RHEX: variants seen among roughly 807,000 people sequenced by gnomAD.
The protein encoded by RHEX is regulator of hemoglobinization and erythroid cell expansion protein.
RHEX carries 18 observed loss-of-function variants against 20.1 expected under a neutral mutation model. The observed-to-expected ratio is 0.90, with a 90% confidence interval of 0.62 to 1.33. The LOEUF (loss-of-function observed/expected upper bound fraction) is 1.33. Ranked by LOEUF, RHEX falls within the 40% of genes most tolerant of loss-of-function variation. The pLI, the probability that RHEX is intolerant of heterozygous loss-of-function variation, is 0.00. For synonymous variants in RHEX, 87 were observed against 77.1 expected, an observed-to-expected ratio of 1.13 and a Z score of -0.67; for missense variants, 192 against 214.3, an observed-to-expected ratio of 0.90 and a Z score of 0.65.
chr1:206,057,545 C>T (rs575878385), intron 1 of RHEX, among the ~76,000 whole-genome samples: 1 of 152,374 alleles, frequency 6.6e-6, no homozygotes, highest in South Asian at 2.1e-4. Context: ...ACTGTTTGGG[C>T]CCACCCAGAA....
rs142150599 is a variant in RHEX at position 206,099,211 on chromosome 1, C to T, written c.113-444C>T. 1.7e-3 allele frequency among the ~76,000 whole-genome samples: 259 copies of T among 152,230 alleles called. 1 individual carries two copies. Among genetic ancestry groups the T allele is most frequent in the African/African-American group, 5.7e-3 (238 of 41,544 alleles). ...CGTGGAACCATGGCAGGGTTTTGAGCACAGCAGTGCTGAGGTTTGAAGGGA... is the reference window on the plus strand; with the variant it reads ...CGTGGAACCATGGCAGGGTTTTGAGTACAGCAGTGCTGAGGTTTGAAGGGA... On this transcript the variant is annotated intron_variant, in intron 3 of 5. Coordinates refer to ENST00000331555, the MANE Select transcript of RHEX (RefSeq NM_001007544.4).
intron 1 of RHEX, among the ~76,000 whole-genome samples, chr1:206,084,839 C>T (rs1168536314): frequency 6.6e-6 from 1 of 152,194 alleles, no homozygotes; most frequent in Non-Finnish European, 1.5e-5. Context: ...GCACAGGGCC[C>T]TACTAGTCTG....
At chr1:206,084,703 T>C (rs1336066310) in intron 1 of RHEX, among the ~76,000 whole-genome samples, 1 of 152,162 alleles carries the variant, frequency 6.6e-6, no homozygotes, top group Admixed American at 6.5e-5. Context: ...ATGCCTTGAG[T>C]AGGATCTGTT....
intron 1 of RHEX, among the ~76,000 whole-genome samples, chr1:206,068,037 GTGCTTCTGCGTCTTTTCTA>G (rs1255106369): frequency 6.6e-6 from 1 of 152,206 alleles, no homozygotes; most frequent in Non-Finnish European, 1.5e-5. Flanking sequence ...TAACATTTCT[GTGCTTCTGCGTCTTTTCTA>G]TGTTGATGAC....
At chr1:206,066,555 T>C (rs1662426800) in intron 1 of RHEX, among the ~76,000 whole-genome samples, 1 of 152,192 alleles carries the variant, frequency 6.6e-6, no homozygotes, top group African/African-American at 2.4e-5. Flanking sequence ...ACGTCAAGTT[T>C]GCAGTGAGCT....
chr1:206,098,457 A>G (rs1553288029), intron 3 of RHEX: 1 of 402,254 alleles, frequency 2.5e-6, no homozygotes, highest in Non-Finnish European at 4.6e-6. Flanking sequence ...CAGCTTTTGC[A>G]ATGCCTACGA....
intron 1 of RHEX, among the ~76,000 whole-genome samples, chr1:206,089,971 C>A (rs1318511345): frequency 2.6e-5 from 4 of 151,926 alleles, no homozygotes. Flanking sequence ...GTTTGGAATT[C>A]ATTTTGCTAT....
At chr1:206,080,939 A>G (rs893590977) in intron 1 of RHEX, among the ~76,000 whole-genome samples, 1 of 152,142 alleles carries the variant, frequency 6.6e-6, no homozygotes. Context: ...AGTAGCTGGG[A>G]CTACAGGCGC....
At chr1:206,064,065 G>T (rs1553283757) in intron 1 of RHEX, among the ~76,000 whole-genome samples, 2 of 149,948 alleles carry the variant, frequency 1.3e-5, no homozygotes, top group East Asian at 2.0e-4. Context: ...GATGTGAGGA[G>T]CGCCTCTGCC....
intron 1 of RHEX, among the ~76,000 whole-genome samples, chr1:206,064,012 G>A (rs1553283746): frequency 1.4e-5 from 2 of 138,028 alleles, no homozygotes; most frequent in Non-Finnish European, 3.1e-5. Context: ...GCCGCCCATC[G>A]TCTGAGATGT....
intron 1 of RHEX, among the ~76,000 whole-genome samples, chr1:206,084,735 G>A (rs1318263987): frequency 1.3e-5 from 2 of 152,122 alleles, no homozygotes; most frequent in Non-Finnish European, 2.9e-5. Flanking sequence ...GGCACACAAC[G>A]CAAAATGAAA....
chr1:206,086,659 CA>C (rs782715152), intron 1 of RHEX, among the ~76,000 whole-genome samples: 2 of 152,120 alleles, frequency 1.3e-5, no homozygotes, highest in Non-Finnish European at 2.9e-5. Context: ...ATAATTGATG[CA>C]AAATGTTTTT....
chr1:206,069,871 A>G (rs1489370531), intron 1 of RHEX, among the ~76,000 whole-genome samples: 2 of 152,210 alleles, frequency 1.3e-5, no homozygotes, highest in African/African-American at 4.8e-5. Flanking sequence ...TTAACCCAGT[A>G]TTCGGGTATT....
chr1:206,053,856 A>G (rs868922766), intron 1 of RHEX, among the ~76,000 whole-genome samples: 11 of 152,252 alleles, frequency 7.2e-5, no homozygotes, highest in South Asian at 2.1e-4. Context: ...GAACAGCAGC[A>G]TAAGCGGCTG....
chr1:206,096,778 T>TG (rs1553287712), intron 1 of RHEX, among the ~76,000 whole-genome samples: 3 of 144,726 alleles, frequency 2.1e-5, no homozygotes, highest in African/African-American at 8.1e-5. Context: ...TTTTTTTTTT[T>TG]TGGTTTTTTT....
At chr1:206,069,445 C>T (rs962300091) in intron 1 of RHEX, among the ~76,000 whole-genome samples, 1 of 152,182 alleles carries the variant, frequency 6.6e-6, no homozygotes, top group Non-Finnish European at 1.5e-5. Flanking sequence ...CTCAACGTCC[C>T]GAGCCAGGGC....
intron 1 of RHEX, among the ~76,000 whole-genome samples, chr1:206,072,825 G>A (rs77172677): frequency 0.046 from 6,471 of 142,152 alleles, 361 homozygotes; most frequent in African/African-American, 0.12. Context: ...CATTCCTCCT[G>A]TGTCTTTTTT....
intron 1 of RHEX, among the ~76,000 whole-genome samples, chr1:206,054,812 G>C (rs1024878304): frequency 6.6e-6 from 1 of 152,202 alleles, no homozygotes; most frequent in African/African-American, 2.4e-5. Flanking sequence ...AATCATACAA[G>C]AAACATTATT....
intron 1 of RHEX, among the ~76,000 whole-genome samples, chr1:206,068,579 C>G (rs1247008548): frequency 2.0e-5 from 3 of 152,106 alleles, no homozygotes; most frequent in East Asian, 1.9e-4. Context: ...AACTCAGAGT[C>G]GAAGTGACCT....
Sources: allele counts gnomAD v4.1 joint callset (sites outside exome capture counted in the v4.1 genomes callset), GRCh38; gene constraint gnomAD v4.1.1; transcripts MANE v1.5; gene names NCBI Gene and HGNC (gene_info 2026-07-23, HGNC 2026-07-21).